MED4: variants seen among roughly 807,000 people sequenced by gnomAD.
MED4 encodes the protein mediator of RNA polymerase II transcription subunit 4.
Under a neutral mutation model 35.0 loss-of-function variants are expected in MED4, and 21 were observed. The observed-to-expected ratio is 0.60, with a 90% CI of 0.43 to 0.86. The LOEUF is 0.86. Among genes scored for constraint, MED4 ranks in the 40% least tolerant of loss-of-function variants. The pLI is 0.00. For synonymous variants in MED4, 138 were observed against 114.0 expected (o/e 1.21, Z -1.34); for missense variants, 300 against 319.4 (o/e 0.94, Z 0.46).
At chr13:48,084,767 T>A (rs771117712) in intron 3 of MED4, among the ~76,000 whole-genome samples, 8 of 152,058 alleles carry the variant, frequency 5.3e-5, no homozygotes, top group Non-Finnish European at 8.8e-5. Context: ...TTTCCATTTT[T>A]CTGTATTTTC....
intron 3 of MED4, among the ~76,000 whole-genome samples, chr13:48,083,973 G>A (rs1159715946): frequency 6.6e-6 from 1 of 152,000 alleles, no homozygotes; most frequent in East Asian, 1.9e-4. Flanking sequence ...TAAGAGTATG[G>A]AGTCAGGCCA....
chr13:48,095,068 G>C lies in MED4; in HGVS notation c.11C>G (p.Ser4Cys). Residue 4 changes from serine to cysteine, a missense_variant, in exon 1 of 7, where the codon TCT becomes TGT. Coordinates refer to ENST00000258648, the MANE Select transcript of MED4 (RefSeq NM_014166.4). ...CTCCTTCTCCTTCTCACCACTCGAA[G>C]ACGCAGCCATTTTCCCCAGAGTCCC... is the stretch of plus-strand genomic sequence containing the variant. MAA[S>C]SSGEKEKERL... 1.9e-6 allele frequency: 3 copies of C among 1,604,086 alleles called. No homozygotes were observed. Among genetic ancestry groups the C allele is most frequent in the South Asian group, 2.2e-5 (2 of 91,092 alleles).
At chr13:48,091,504 A>AT (rs1257377944) in intron 1 of MED4, among the ~76,000 whole-genome samples, 1 of 152,194 alleles carries the variant, frequency 6.6e-6, no homozygotes, top group Admixed American at 6.5e-5. Flanking sequence ...AGCTAGCATC[A>AT]TATCATTTTT....
chr13:48,092,848 G>A (rs1950899810), intron 1 of MED4, among the ~76,000 whole-genome samples: 1 of 152,164 alleles, frequency 6.6e-6, no homozygotes, highest in Admixed American at 6.5e-5. Context: ...AGGAGATGTG[G>A]GATAAGCCTT....
intron 1 of MED4, among the ~76,000 whole-genome samples, chr13:48,094,598 C>G (rs1743421782): frequency 6.6e-6 from 1 of 151,944 alleles, no homozygotes; most frequent in South Asian, 2.1e-4. Flanking sequence ...AGGCCCCAAG[C>G]CAGTTTACAC....
intron 2 of MED4, 24 bp downstream of exon 2, chr13:48,090,324 TTAAC>T (rs775188906): frequency 1.3e-4 from 196 of 1,506,850 alleles, no homozygotes; most frequent in Non-Finnish European, 1.6e-4. Context: ...CAAAGAGAAA[TTAAC>T]TAATTTAAAA....
intron 1 of MED4, among the ~76,000 whole-genome samples, chr13:48,092,938 G>A (rs564016521): frequency 1.3e-5 from 2 of 152,180 alleles, no homozygotes; most frequent in African/African-American, 4.8e-5. Context: ...GTAGAGGGGA[G>A]GTAGAAGTCT....
Position 48,075,726 on chromosome 13 carries a change from T to G in MED4, c.*1413A>C, listed in dbSNP as rs1168682571. 6.6e-6 allele frequency among the ~76,000 whole-genome samples: 1 copy of G among 152,188 alleles called. No individual in the cohort carries two copies. The highest frequency in any genetic ancestry group is 2.4e-5 in the African/African-American group (1 of 41,464). ...TTATGGCACATACCACAATAAAATT[T>G]TAGCCATTAAAGTAAATCTTTCAAG... is the stretch of plus-strand genomic sequence containing the variant. On this transcript the variant is annotated 3_prime_UTR_variant, in exon 7 of 7. Transcript: ENST00000258648.
intron 2 of MED4, among the ~76,000 whole-genome samples, chr13:48,088,110 T>A (rs867703091): frequency 2.0e-5 from 3 of 152,192 alleles, no homozygotes; most frequent in South Asian, 2.1e-4. Context: ...TATTGCACTT[T>A]AAGTACATAC....
At chr13:48,084,524 T>G (rs1236085884) in intron 3 of MED4, among the ~76,000 whole-genome samples, 2 of 152,250 alleles carry the variant, frequency 1.3e-5, no homozygotes, top group Non-Finnish European at 2.9e-5. Flanking sequence ...TTTATGGTCC[T>G]GTGTTCACTG....
chr13:48,081,506 T>C (rs1300429824), intron 5 of MED4, 139 bp downstream of exon 5: 1 of 497,976 alleles, frequency 2.0e-6, no homozygotes. Context: ...TCATTACTTA[T>C]AAACCATTAA....
chr13:48,081,767 T>C (rs1950810029), intron 4 of MED4, 36 bp from the exon 5 acceptor site: 4 of 1,323,450 alleles, frequency 3.0e-6, no homozygotes, highest in Non-Finnish European at 3.2e-6. Context: ...TAACCTGTAG[T>C]CTAACAAACA....
At chr13:48,092,142 T>C (rs180677394) in intron 1 of MED4, among the ~76,000 whole-genome samples, 45 of 152,232 alleles carry the variant, frequency 3.0e-4, no homozygotes, top group Admixed American at 1.4e-3. Context: ...AGTTTTGCTC[T>C]TGTTGCCCAG....
At chr13:48,093,360 T>C (rs772685506) in intron 1 of MED4, among the ~76,000 whole-genome samples, 59 of 152,170 alleles carry the variant, frequency 3.9e-4, no homozygotes, top group Non-Finnish European at 7.6e-4. Context: ...CGAAAGGCTA[T>C]ATAATCAGGT....
chr13:48,082,715 T>C (rs1312275330), intron 4 of MED4, among the ~76,000 whole-genome samples: 1 of 152,010 alleles, frequency 6.6e-6, no homozygotes, highest in Non-Finnish European at 1.5e-5. Context: ...TAGTCCCAGC[T>C]ACTCGGGAGG....
intron 6 of MED4, 113 bp from the exon 7 acceptor site, chr13:48,077,424 CT>C: frequency 1.0e-6 from 1 of 982,928 alleles, no homozygotes; most frequent in Non-Finnish European, 1.4e-6. Context: ...ACTTTTTTCT[CT>C]TCTTTTTTTG....
intron 2 of MED4, 89 bp from the exon 3 acceptor site, chr13:48,086,541 G>A: frequency 8.3e-7 from 1 of 1,211,370 alleles, no homozygotes. Context: ...GAATTGGCTA[G>A]GCTATAAATT....
chr13:48,091,924 GAAGGA>G (rs1368350524), intron 1 of MED4, among the ~76,000 whole-genome samples: 1 of 152,132 alleles, frequency 6.6e-6, no homozygotes, highest in Non-Finnish European at 1.5e-5. Flanking sequence ...AAGATGTCTG[GAAGGA>G]AAGAGCACAG....
At chr13:48,094,751 C>A (rs1950915458) in intron 1 of MED4, among the ~76,000 whole-genome samples, 1 of 152,134 alleles carries the variant, frequency 6.6e-6, no homozygotes, top group African/African-American at 2.4e-5. Flanking sequence ...CTTATCATTA[C>A]TAAAATTCCC....
Sources: allele counts gnomAD v4.1 joint callset (sites outside exome capture counted in the v4.1 genomes callset), GRCh38; gene constraint gnomAD v4.1.1; transcripts MANE v1.5; gene names NCBI Gene and HGNC (gene_info 2026-07-23, HGNC 2026-07-21).